CCT6B: variants seen among roughly 807,000 people sequenced by gnomAD.
The protein encoded by CCT6B is chaperonin containing TCP1 subunit 6B.
Under a neutral mutation model 61.5 loss-of-function variants are expected in CCT6B, and 49 were observed. The observed-to-expected ratio is 0.80, with a 90% CI of 0.63 to 1.01. The LOEUF (loss-of-function observed/expected upper bound fraction) is 1.01, where lower values mean the gene tolerates loss of function less well. Ranked by LOEUF, CCT6B falls within the 50% of genes least tolerant of loss-of-function variation. The pLI, the probability that CCT6B is intolerant of heterozygous loss-of-function variation, is 0.00. For missense variants in CCT6B, 666 were observed against 634.7 expected, an observed-to-expected ratio of 1.05 and a Z score of -0.53; for synonymous variants, 228 against 214.5, an observed-to-expected ratio of 1.06 and a Z score of -0.55.
chr17:34,930,405 CT>C (rs1420001509), intron 12 of CCT6B, among the ~76,000 whole-genome samples: 1 of 152,212 alleles, frequency 6.6e-6, no homozygotes, highest in African/African-American at 2.4e-5. Flanking sequence ...CTCTCACCTC[CT>C]TCCTCAGAAA....
chr17:34,953,343 T>TATATATATATA (rs1439709336), intron 4 of CCT6B, among the ~76,000 whole-genome samples: 14 of 134,504 alleles, frequency 1.0e-4, no homozygotes, highest in Admixed American at 5.5e-4. Context: ...ATATATATAT[T>TATATATATATA]TTTTTGAGAC....
intron 3 of CCT6B, among the ~76,000 whole-genome samples, chr17:34,956,376 C>A (rs537828982): frequency 6.6e-6 from 1 of 152,208 alleles, no homozygotes; most frequent in Non-Finnish European, 1.5e-5. Flanking sequence ...TTAGGCCAGG[C>A]CTTACTTCCT....
In CCT6B at chr17:34,932,503, A is replaced by T; in HGVS notation, c.1214-3T>A. ...ACCAGCTCCAGGAACCATACAACCT[A>T]TTGGAGAGAAAAAATATGATTGGCA... On this transcript the variant is annotated splice_region_variant and splice_polypyrimidine_tract_variant and intron_variant, in intron 10 of 13. Transcript: ENST00000314144. 1 of 1,587,736 alleles carries T rather than the reference A, an allele frequency of 6.3e-7. No homozygotes were observed. The highest frequency in any genetic ancestry group is 8.5e-7 in the Non-Finnish European group (1 of 1,171,958).
intron 8 of CCT6B, among the ~76,000 whole-genome samples, chr17:34,940,221 C>T (rs2090146281): frequency 6.6e-6 from 1 of 152,112 alleles, no homozygotes; most frequent in African/African-American, 2.4e-5. Context: ...ATTCTACTAT[C>T]TACTTCTATG....
rs943574723 is a variant in CCT6B, at chr17:34,940,305, A to C, written c.968+234T>G. ...TATGTTGTATTGTTTTGTTTTTAAAATCTGTTTTAAAAAGATAAAAACTTT... is the reference window on the plus strand; with the variant it reads ...TATGTTGTATTGTTTTGTTTTTAAACTCTGTTTTAAAAAGATAAAAACTTT... On this transcript the variant is annotated intron_variant, in intron 8 of 13. Transcript: ENST00000314144. Among the ~76,000 whole-genome samples the C allele has an allele frequency of 5.3e-5, 8 of 152,330 alleles. No homozygotes were observed. The East Asian group carries it at 1.5e-3, about 29-fold the overall frequency.
chr17:34,951,718 T>C (rs753562773), intron 5 of CCT6B, among the ~76,000 whole-genome samples: 1 of 152,192 alleles, frequency 6.6e-6, no homozygotes, highest in Non-Finnish European at 1.5e-5. Flanking sequence ...TAGTCTTCCC[T>C]GTCCACTATA....
chr17:34,956,800 C>T (rs2090351978), intron 3 of CCT6B, among the ~76,000 whole-genome samples: 1 of 151,890 alleles, frequency 6.6e-6, no homozygotes, highest in African/African-American at 2.4e-5. Context: ...TCTCCTCTCT[C>T]CTCTCTTCTC....
In CCT6B at chr17:34,958,647, A is replaced by G; in HGVS notation, c.249T>C (p.Ala83=). The G allele has an allele frequency of 6.2e-7, 1 of 1,603,252 alleles. No individual in the cohort carries two copies. The highest frequency in any genetic ancestry group is 8.5e-7 in the Non-Finnish European group (1 of 1,175,210). The change falls in exon 3 of 14, where the codon GCT becomes GCC. Residue 83 remains alanine, a synonymous_variant. Transcript: ENST00000314144. ...TACCATCTCCTGTGACGTCATCCTG[A>G]GCTGTTGCTACTTTTGCTATCAAGG... ...TASLIAKVAT[A]QDDVTGDGTT...
intron 1 of CCT6B, among the ~76,000 whole-genome samples, chr17:34,960,598 C>T (rs1472727023): frequency 6.6e-6 from 1 of 152,176 alleles, no homozygotes; most frequent in South Asian, 2.1e-4. Flanking sequence ...TCCTTAAGAA[C>T]AGAAACCGTT....
At chr17:34,947,529 G>A (rs1469332397) in intron 5 of CCT6B, among the ~76,000 whole-genome samples, 1 of 152,152 alleles carries the variant, frequency 6.6e-6, no homozygotes, top group Non-Finnish European at 1.5e-5. Context: ...TGCCAACCTA[G>A]TAAACACACA....
chr17:34,939,038 C>T (rs1474169579), intron 10 of CCT6B, 145 bp downstream of exon 10: 3 of 562,372 alleles, frequency 5.3e-6, no homozygotes, highest in East Asian at 3.3e-5. Context: ...GGGCTGAGAT[C>T]GCACCACTGC....
chr17:34,961,314 G>GA lies in CCT6B; in HGVS notation c.79_80insT (p.Ala27ValfsTer15). The GA allele has an allele frequency of 6.2e-7, 1 of 1,613,138 alleles. No homozygotes were observed. The highest frequency in any genetic ancestry group is 8.5e-7 in the Non-Finnish European group (1 of 1,179,942). On this transcript the variant is annotated frameshift_variant, in exon 1 of 14. Transcript: ENST00000314144. LOFTEE classifies it high-confidence loss of function. ...CCGCAGCACATCCTGCAGCCCTCGG[G>GA]CGGCGCATATATTGACAGCCAAAGC...
At chr17:34,938,509 T>C (rs546821876) in intron 10 of CCT6B, among the ~76,000 whole-genome samples, 21 of 152,238 alleles carry the variant, frequency 1.4e-4, no homozygotes, top group African/African-American at 5.1e-4. Flanking sequence ...TGAGCCATGA[T>C]TGTGCCACTG....
At chr17:34,948,869 C>CA (rs1029386195) in intron 5 of CCT6B, among the ~76,000 whole-genome samples, 4 of 150,880 alleles carry the variant, frequency 2.7e-5, no homozygotes, top group South Asian at 2.1e-4. Flanking sequence ...CCTGTCTTGA[C>CA]AAAAAAAATA....
At chr17:34,956,786 TCTCTCTC>T (rs1036135233) in intron 3 of CCT6B, among the ~76,000 whole-genome samples, 70 of 152,046 alleles carry the variant, frequency 4.6e-4, no homozygotes, top group Admixed American at 1.9e-3. Flanking sequence ...TCCTCTGTCC[TCTCTCTC>T]CTCTCTCCTC....
chr17:34,935,152 A>G (rs555450698), intron 10 of CCT6B, among the ~76,000 whole-genome samples: 1 of 152,370 alleles, frequency 6.6e-6, no homozygotes, highest in South Asian at 2.1e-4. Flanking sequence ...TAAGCCAGAC[A>G]AAGGACAAAA....
At chr17:34,928,148 C>G (rs1207857763) in intron 13 of CCT6B, 31 bp from the exon 14 acceptor site, 2 of 1,432,050 alleles carry the variant, frequency 1.4e-6, no homozygotes, top group Non-Finnish European at 9.7e-7. Flanking sequence ...GTGAGTAAAG[C>G]CTACTAACCC....
chr17:34,950,788 G>T (rs1250260498), intron 5 of CCT6B, among the ~76,000 whole-genome samples: 1 of 152,058 alleles, frequency 6.6e-6, no homozygotes, highest in Non-Finnish European at 1.5e-5. Context: ...AATTAGGCAG[G>T]CGTGGTGCCA....
At chr17:34,957,973 T>C (rs986244415) in intron 3 of CCT6B, among the ~76,000 whole-genome samples, 1 of 152,186 alleles carries the variant, frequency 6.6e-6, no homozygotes, top group Non-Finnish European at 1.5e-5. Context: ...TTCAACTTTA[T>C]CTATGGTGTT....
Sources: allele counts gnomAD v4.1 joint callset (sites outside exome capture counted in the v4.1 genomes callset), GRCh38; gene constraint gnomAD v4.1.1; transcripts MANE v1.5; gene names NCBI Gene and HGNC (gene_info 2026-07-23, HGNC 2026-07-21).